The following NDFIP2 variants were observed in gnomAD, a reference collection of about 807,000 sequenced individuals.
The protein encoded by NDFIP2 is Nedd4 family interacting protein 2, also known as NEDD4 family-interacting protein 2.
NDFIP2 carries 19 observed loss-of-function variants against 36.0 expected under a neutral mutation model. The observed-to-expected ratio is 0.53, with a 90% CI of 0.37 to 0.77. NDFIP2 has a LOEUF of 0.77. Among genes scored for constraint, NDFIP2 ranks in the 30% least tolerant of loss-of-function variants. The pLI is 0.00. For missense variants in NDFIP2, 446 were observed against 435.8 expected (o/e 1.02, Z -0.21); for synonymous variants, 181 against 167.7 (o/e 1.08, Z -0.61).
intron 5 of NDFIP2, among the ~76,000 whole-genome samples, chr13:79,547,846 G>C (rs1875744608): frequency 6.6e-6 from 1 of 152,164 alleles, no homozygotes; most frequent in African/African-American, 2.4e-5. Context: ...GTGATTAACA[G>C]TAGGGGGTGT....
rs568208744 is a variant in NDFIP2, at chr13:79,529,316, T to C, written c.488-4007T>C. 3.3e-5 allele frequency among the ~76,000 whole-genome samples: 5 copies of C among 152,280 alleles called. No individual in the cohort carries two copies. In the East Asian group the frequency reaches 9.6e-4, roughly 29 times the overall value. On this transcript the variant is annotated intron_variant, in intron 2 of 7. Coordinates refer to ENST00000218652, the MANE Select transcript of NDFIP2 (RefSeq NM_019080.3). ...GCAATTGAGTTTTCCTACCCAACTT[T>C]CATGTATTAGTGGTAGGGATTTTTT... is the stretch of plus-strand genomic sequence containing the variant.
At chr13:79,494,866 T>C (rs1194616537) in intron 1 of NDFIP2, among the ~76,000 whole-genome samples, 2 of 151,998 alleles carry the variant, frequency 1.3e-5, no homozygotes, top group African/African-American at 2.4e-5. Flanking sequence ...ATTCCCAATA[T>C]TGGAGATTTT....
Position 79,548,405 on chromosome 13 carries a change from T to C in NDFIP2, c.907+11T>C. 1 of 1,557,390 alleles carries C rather than the reference T, an allele frequency of 6.4e-7. No individual in the cohort carries two copies. The highest frequency in any genetic ancestry group is 8.8e-7 in the Non-Finnish European group (1 of 1,134,896). On this transcript the variant is annotated intron_variant, in intron 6 of 7. Coordinates refer to ENST00000218652, the MANE Select transcript of NDFIP2 (RefSeq NM_019080.3). ...TATTTCTTGTACTTGGTAAGTTTAT[T>C]CTTAATGCATTTAGTTTAACTTGGA...
chr13:79,549,015 A>G (rs550299001), intron 6 of NDFIP2, among the ~76,000 whole-genome samples: 6 of 152,090 alleles, frequency 3.9e-5, no homozygotes, highest in Non-Finnish European at 7.4e-5. Flanking sequence ...TTTAATCCAC[A>G]TTTCAGATGT....
rs2079810300 is a variant in NDFIP2, at chr13:79,481,308, G to A, written c.105G>A (p.Glu35=). The A allele has an allele frequency of 6.5e-7, 1 of 1,542,114 alleles. No individual in the cohort carries two copies. The highest frequency in any genetic ancestry group is 1.4e-5 in the African/African-American group (1 of 73,210). ...TCCGCGGAACCGCGACCAACGCGGAGGTCTCGGCGGCCGCTGCGGGAGCCA... is the reference window on the plus strand; with the variant it reads ...TCCGCGGAACCGCGACCAACGCGGAAGTCTCGGCGGCCGCTGCGGGAGCCA... The part of the protein sequence containing the change: ...ELLRGTATNA[E]VSAAAAGATG... Residue 35 remains glutamate (E), a synonymous_variant, in exon 1 of 8, where the codon GAG becomes GAA. Coordinates refer to ENST00000218652, the MANE Select transcript of NDFIP2 (RefSeq NM_019080.3).
At chr13:79,509,361 A>G (rs1329716388) in intron 1 of NDFIP2, among the ~76,000 whole-genome samples, 1 of 152,188 alleles carries the variant, frequency 6.6e-6, no homozygotes, top group Non-Finnish European at 1.5e-5. Flanking sequence ...TTGAGTTATT[A>G]TCTAAAGACT....
At chr13:79,551,650 G>A (rs1489369552) in intron 7 of NDFIP2, among the ~76,000 whole-genome samples, 1 of 151,474 alleles carries the variant, frequency 6.6e-6, no homozygotes, top group African/African-American at 2.4e-5. Flanking sequence ...TTCTTAATGT[G>A]TGCTGATTTT....
intron 4 of NDFIP2, among the ~76,000 whole-genome samples, chr13:79,540,836 G>A (rs1466537442): frequency 2.6e-5 from 4 of 152,108 alleles, no homozygotes; most frequent in Non-Finnish European, 5.9e-5. Context: ...TAATTGTAAT[G>A]TTCACGTTGT....
At chr13:79,508,984 T>G (rs1322665893) in intron 1 of NDFIP2, among the ~76,000 whole-genome samples, 2 of 152,330 alleles carry the variant, frequency 1.3e-5, no homozygotes, top group East Asian at 3.9e-4. Flanking sequence ...ATTTCTTCTG[T>G]GTGCTGTTGT....
intron 1 of NDFIP2, among the ~76,000 whole-genome samples, chr13:79,509,105 G>A (rs1322993695): frequency 3.3e-5 from 5 of 151,952 alleles, no homozygotes; most frequent in African/African-American, 1.2e-4. Context: ...ATTAATTTAG[G>A]AATTTATTTT....
intron 1 of NDFIP2, among the ~76,000 whole-genome samples, chr13:79,503,043 G>A (rs1873726205): frequency 6.6e-6 from 1 of 152,028 alleles, no homozygotes; most frequent in South Asian, 2.1e-4. Context: ...CTGGCATTTG[G>A]GAGTGAAGAA....
In NDFIP2 at chr13:79,548,334, G is replaced by A. The variant is rs1875768032; in HGVS notation, c.847G>A (p.Asp283Asn). The A allele has an allele frequency of 6.3e-7, 1 of 1,581,846 alleles. No individual in the cohort carries two copies. ...ATTTATGTTCACTCCATAGTTTTCT[G>A]ATTATTTTACTGGATATTTCAATGG... ...IKWILIVRFS[D>N]YFTGYFNGQY... The change falls in exon 6 of 8, where the codon GAT (aspartate) becomes AAT (asparagine). Residue 283 changes from aspartate to asparagine, a missense_variant. By Grantham distance (23) the Asp-to-Asn change is conservative (BLOSUM62 1). Around this residue, in one of 2 missense-constraint regions of NDFIP2, gnomAD observed 77 missense variants for 131.0 expected, o/e 0.59. Coordinates refer to ENST00000218652, the MANE Select transcript of NDFIP2 (RefSeq NM_019080.3).
intron 2 of NDFIP2, among the ~76,000 whole-genome samples, chr13:79,529,799 C>T (rs1874939913): frequency 6.6e-6 from 1 of 152,072 alleles, no homozygotes; most frequent in Non-Finnish European, 1.5e-5. Context: ...TTCTGTTAGA[C>T]AAAATTGTAA....
At chr13:79,496,221 G>A (rs1200821799) in intron 1 of NDFIP2, among the ~76,000 whole-genome samples, 1 of 151,870 alleles carries the variant, frequency 6.6e-6, no homozygotes, top group Non-Finnish European at 1.5e-5. Flanking sequence ...ATTTCTTAAA[G>A]TGCAGATCAG....
At chr13:79,531,483 T>C (rs2137098832) in intron 2 of NDFIP2, among the ~76,000 whole-genome samples, 1 of 152,342 alleles carries the variant, frequency 6.6e-6, no homozygotes, top group Non-Finnish European at 1.5e-5. Context: ...CATCTTCCAG[T>C]AGAAAGCTGT....
At chr13:79,527,101 A>G (rs1411016476) in intron 2 of NDFIP2, among the ~76,000 whole-genome samples, 1 of 152,350 alleles carries the variant, frequency 6.6e-6, no homozygotes, top group African/African-American at 2.4e-5. Context: ...ATAGAAACCT[A>G]GCATATAATG....
chr13:79,543,074 A>G (rs564924754), intron 4 of NDFIP2, among the ~76,000 whole-genome samples: 3 of 152,162 alleles, frequency 2.0e-5, no homozygotes, highest in Admixed American at 2.0e-4. Flanking sequence ...ACAGGGTTTC[A>G]CCATGTTGGC....
At chr13:79,485,754 C>T (rs1403955729) in intron 1 of NDFIP2, among the ~76,000 whole-genome samples, 4 of 152,168 alleles carry the variant, frequency 2.6e-5, no homozygotes, top group African/African-American at 9.7e-5. Context: ...GTCCTTATTC[C>T]TGATACAGTT....
intron 5 of NDFIP2, among the ~76,000 whole-genome samples, chr13:79,545,996 AG>A (rs1875658612): frequency 6.6e-6 from 1 of 152,132 alleles, no homozygotes; most frequent in Non-Finnish European, 1.5e-5. Flanking sequence ...CCAAAGTGCT[AG>A]GATTACAGGC....
Sources: allele counts gnomAD v4.1 joint callset (sites outside exome capture counted in the v4.1 genomes callset), GRCh38; gene constraint gnomAD v4.1.1; regional missense constraint gnomAD v4.1.1; transcripts MANE v1.5; gene names NCBI Gene and HGNC (gene_info 2026-07-23, HGNC 2026-07-21).